Variants in ZNF157 observed in about 807,000 individuals in gnomAD.
ZNF157 encodes the protein zinc finger protein 157, also known as zinc finger protein 22.
Under a neutral mutation model 9.4 loss-of-function variants are expected in ZNF157, and 8 were observed. The ratio of observed to expected loss-of-function variants is 0.85; its 90% CI spans 0.50 to 1.53. The LOEUF (loss-of-function observed/expected upper bound fraction) is 1.53. Among genes scored for constraint, ZNF157 ranks in the 40% most tolerant of loss-of-function variants. The pLI, the probability that ZNF157 is intolerant of heterozygous loss-of-function variation, is 0.00. For missense variants in ZNF157, 316 were observed against 385.2 expected (o/e 0.82, Z 1.50); for synonymous variants, 120 against 130.8 (o/e 0.92, Z 0.56).
At chrX:47,392,853 CT>C (rs2055901188) in intron 1 of ZNF157, among the ~76,000 whole-genome samples, 1 of 111,387 alleles carries the variant, frequency 9.0e-6, no homozygotes, top group Admixed American at 9.7e-5. Flanking sequence ...AGATTAAGGC[CT>C]GAAAAATATC....
intron 1 of ZNF157, among the ~76,000 whole-genome samples, chrX:47,377,523 A>G (rs4606186): frequency 0.36 from 38,801 of 108,285 alleles, 5,556 homozygotes; most frequent in African/African-American, 0.49. Context: ...CAACCTCCCC[A>G]GGTTCAGGTG....
intron 1 of ZNF157, among the ~76,000 whole-genome samples, chrX:47,378,876 T>C (rs984764105): frequency 1.8e-5 from 2 of 111,245 alleles, no homozygotes; most frequent in African/African-American, 6.5e-5. Context: ...GTTTGGTCTG[T>C]GCCCAGGAAT....
rs184947829 is a variant in ZNF157, at chrX:47,409,863, G to T, written c.73-413G>T. Among the ~76,000 whole-genome samples the T allele has an allele frequency of 1.0e-3, 115 of 110,205 alleles. 2 individuals carry two copies. The highest frequency in any genetic ancestry group is 3.6e-3 in the African/African-American group (108 of 30,356). On this transcript the variant is annotated intron_variant, in intron 1 of 3. Transcript: ENST00000377073. ...TCACCCCATCTCTGTTGGCCAGTCT[G>T]GTCTTGAACTCCTGATCTCAGGCAA... is the stretch of plus-strand genomic sequence containing the variant.
intron 1 of ZNF157, among the ~76,000 whole-genome samples, chrX:47,396,221 C>T (rs1337527819): frequency 9.1e-6 from 1 of 110,279 alleles, no homozygotes; most frequent in Non-Finnish European, 1.9e-5. Flanking sequence ...GCCTGGGTAA[C>T]GAAGCAAGAC....
In ZNF157 at chrX:47,382,094, T is replaced by C. The variant is rs1336318509; in HGVS notation, c.72+11354T>C. Among the ~76,000 whole-genome samples, 3 of 109,489 alleles carry C rather than the reference T, an allele frequency of 2.7e-5. No individual in the cohort carries two copies. In the East Asian group the frequency reaches 8.5e-4, roughly 31 times the overall value. Reference sequence around the variant, plus strand: ...GGTCTTTGATCAGCTTTTCACTGAATACATAATTTACATGTGAGAGGGGAT... The same window carrying C: ...GGTCTTTGATCAGCTTTTCACTGAACACATAATTTACATGTGAGAGGGGAT... On this transcript the variant is annotated intron_variant, in intron 1 of 3. Transcript: ENST00000377073.
chrX:47,393,967 CT>C (rs748734330), intron 1 of ZNF157, among the ~76,000 whole-genome samples: 194 of 98,107 alleles, frequency 2.0e-3, no homozygotes, highest in South Asian at 6.0e-3. Context: ...GTCTCGAACT[CT>C]TTTTTTTTTT....
intron 1 of ZNF157, among the ~76,000 whole-genome samples, chrX:47,374,702 C>CTTTTTTT (rs869212909): frequency 1.2e-4 from 7 of 56,677 alleles, no homozygotes; most frequent in African/African-American, 4.3e-4. Context: ...GCCCAGCAAT[C>CTTTTTTT]TTTTTTTTTT....
intron 1 of ZNF157, among the ~76,000 whole-genome samples, chrX:47,401,891 C>T (rs2147411591): frequency 9.1e-6 from 1 of 110,290 alleles, no homozygotes. Flanking sequence ...AGGTGTGTGC[C>T]ATCACACCCA....
At chrX:47,370,805 T>A in intron 1 of ZNF157, 65 bp downstream of exon 1, 1 of 979,144 alleles carries the variant, frequency 1.0e-6, no homozygotes, top group Non-Finnish European at 1.4e-6. Context: ...TTAGTTAAAT[T>A]TATATTTTGA....
At chrX:47,371,122 G>C (rs2055827417) in intron 1 of ZNF157, among the ~76,000 whole-genome samples, 1 of 111,234 alleles carries the variant, frequency 9.0e-6, no homozygotes, top group African/African-American at 3.3e-5. Context: ...TGGATCACTT[G>C]CGGCCAGGAG....
chrX:47,374,702 CTTTTTTTTTT>C (rs869212909), intron 1 of ZNF157, among the ~76,000 whole-genome samples: 1 of 56,673 alleles, frequency 1.8e-5, no homozygotes, highest in Non-Finnish European at 3.0e-5. Context: ...GCCCAGCAAT[CTTTTTTTTTT>C]TTTTTTTTTT....
chrX:47,385,421 G>A (rs768257162), intron 1 of ZNF157, among the ~76,000 whole-genome samples: 15 of 110,899 alleles, frequency 1.4e-4, no homozygotes, highest in Non-Finnish European at 2.5e-4. Flanking sequence ...GGATTTTACG[G>A]TGTTACTCTA....
At chrX:47,395,089 C>T (rs2055909287) in intron 1 of ZNF157, among the ~76,000 whole-genome samples, 1 of 111,594 alleles carries the variant, frequency 9.0e-6, no homozygotes, top group Non-Finnish European at 1.9e-5. Flanking sequence ...TCCCAAAGTG[C>T]TGGGGTTACA....
At chrX:47,383,668 A>G (rs1352077557) in intron 1 of ZNF157, among the ~76,000 whole-genome samples, 2 of 87,288 alleles carry the variant, frequency 2.3e-5, no homozygotes, top group East Asian at 7.5e-4. Flanking sequence ...TGATCGCACC[A>G]CTGCACTCTG....
rs376036700 is a variant in ZNF157 at position 47,370,620 on chromosome X, A to T, written c.-49A>T. 8.7e-7 allele frequency: 1 copy of T among 1,147,208 alleles called. No homozygotes were observed. Among genetic ancestry groups the T allele is most frequent in the Non-Finnish European group, 1.2e-6 (1 of 851,948 alleles). The allele number at this position is 1,147,208 out of a possible 1,213,427, so 94.5% of individuals were successfully genotyped here. The stretch of plus-strand genomic sequence containing the variant: ...TACTGGAGGCTGCAGGACCCTCTAC[A>T]CACAGACAGCTGTCCAGCACGGAAG... On this transcript the variant is annotated 5_prime_UTR_variant, in exon 1 of 4. Coordinates refer to ENST00000377073, the MANE Select transcript of ZNF157 (RefSeq NM_003446.4).
At chrX:47,402,685 G>A (rs1438366717) in intron 1 of ZNF157, among the ~76,000 whole-genome samples, 5 of 107,566 alleles carry the variant, frequency 4.6e-5, no homozygotes, top group Non-Finnish European at 9.6e-5. Context: ...GTCTACAGGC[G>A]CCCGCCACCA....
Position 47,413,007 on chromosome X carries a change from C to A in ZNF157, c.934C>A (p.Arg312Ser). 1 of 1,209,177 alleles carries A rather than the reference C, an allele frequency of 8.3e-7. No homozygotes were observed. The highest frequency in any genetic ancestry group is 1.1e-6 in the Non-Finnish European group (1 of 894,291). ...YECGECGKNF[R>S]AKKSLNQHQR... ...ATGTGGGGAGTGTGGGAAAAACTTC[C>A]GTGCAAAGAAATCCCTAAATCAGCA... The change falls in exon 4 of 4, where the codon CGT becomes AGT. Residue 312 changes from arginine (R) to serine (S), a missense_variant. Transcript: ENST00000377073.
intron 1 of ZNF157, among the ~76,000 whole-genome samples, chrX:47,387,886 CAAAAAAA>C (rs781763726): frequency 8.7e-5 from 3 of 34,536 alleles, no homozygotes; most frequent in Non-Finnish European, 1.4e-4. Flanking sequence ...GACTCTGTCT[CAAAAAAA>C]AAAAAAAAAA....
At chrX:47,379,419 T>G (rs1269190989) in intron 1 of ZNF157, among the ~76,000 whole-genome samples, 2 of 107,361 alleles carry the variant, frequency 1.9e-5, no homozygotes, top group African/African-American at 6.8e-5. Flanking sequence ...GTTAATTTTT[T>G]TTTTTTTTTT....
Sources: allele counts gnomAD v4.1 joint callset (sites outside exome capture counted in the v4.1 genomes callset), GRCh38; gene constraint gnomAD v4.1.1; transcripts MANE v1.5; gene names NCBI Gene and HGNC (gene_info 2026-07-23, HGNC 2026-07-21).